DPP10: variants seen among roughly 807,000 people sequenced by gnomAD.
DPP10 encodes dipeptidyl peptidase like 10, also known as inactive dipeptidyl peptidase 10.
Under a neutral mutation model 120.9 loss-of-function variants are expected in DPP10, and 33 were observed. That is an observed-to-expected ratio of 0.27 (90% CI 0.21 to 0.37). DPP10 has a LOEUF of 0.37. Ranked by LOEUF, DPP10 falls within the 10% of genes least tolerant of loss-of-function variation. DPP10 has a pLI of 1.00. For missense variants in DPP10, 816 were observed against 942.8 expected (o/e 0.87, Z 1.76); for synonymous variants, 337 against 326.1 (o/e 1.03, Z -0.36).
intron 12 of DPP10, among the ~76,000 whole-genome samples, chr2:115,766,666 T>C (rs771660163): frequency 2.0e-5 from 3 of 152,032 alleles, no homozygotes; most frequent in African/African-American, 4.8e-5. Context: ...AGAAGTCTAA[T>C]TGGCTCACAG....
intron 5 of DPP10, among the ~76,000 whole-genome samples, chr2:115,533,478 A>C (rs937164012): frequency 6.6e-6 from 1 of 152,076 alleles, no homozygotes; most frequent in African/African-American, 2.4e-5. Flanking sequence ...TCTGGTAAGT[A>C]TCTATTTTAA....
intron 1 of DPP10, among the ~76,000 whole-genome samples, chr2:114,594,227 G>C (rs553959203): frequency 6.6e-6 from 1 of 152,128 alleles, no homozygotes; most frequent in African/African-American, 2.4e-5. Flanking sequence ...TCCTGTGCTA[G>C]AGAATTCCTG....
At chr2:114,499,045 G>A (rs1282666069) in intron 1 of DPP10, among the ~76,000 whole-genome samples, 1 of 152,170 alleles carries the variant, frequency 6.6e-6, no homozygotes, top group East Asian at 1.9e-4. Flanking sequence ...GATAAGCCAG[G>A]AACAGAAAGA....
intron 1 of DPP10, among the ~76,000 whole-genome samples, chr2:114,788,973 G>A (rs750049149): frequency 7.7e-4 from 117 of 152,218 alleles, no homozygotes; most frequent in South Asian, 4.1e-3. Flanking sequence ...TCCATGGGAT[G>A]ATGATATCAA....
At position 115,800,456 on chromosome 2, in the gene DPP10, A is replaced by G. The variant is rs555659905; in HGVS notation, c.1700+9100A>G. 5.3e-5 allele frequency among the ~76,000 whole-genome samples: 8 copies of G among 152,196 alleles called. No individual in the cohort carries two copies. In the East Asian group the frequency reaches 1.5e-3, roughly 29 times the overall value. On this transcript the variant is annotated intron_variant, in intron 19 of 25. Coordinates refer to ENST00000410059, the MANE Select transcript of DPP10 (RefSeq NM_020868.6). ...TTAGTTTAATTAGATCACATTTGTCAATTTTGGCTTTTGTTGCCATTGCTT... is the reference window on the plus strand; with the variant it reads ...TTAGTTTAATTAGATCACATTTGTCGATTTTGGCTTTTGTTGCCATTGCTT...
chr2:115,523,866 G>A (rs761846910), intron 4 of DPP10, among the ~76,000 whole-genome samples: 1 of 152,060 alleles, frequency 6.6e-6, no homozygotes, highest in Non-Finnish European at 1.5e-5. Flanking sequence ...AGCTGCTAAT[G>A]TTGTTATTTT....
intron 5 of DPP10, among the ~76,000 whole-genome samples, chr2:115,573,471 G>T (rs1315384330): frequency 2.0e-5 from 3 of 150,894 alleles, no homozygotes; most frequent in African/African-American, 7.3e-5. Flanking sequence ...TTTAGTAGAG[G>T]CGGGGTTTCA....
At chr2:115,588,234 C>T (rs2082412063) in intron 5 of DPP10, among the ~76,000 whole-genome samples, 2 of 152,144 alleles carry the variant, frequency 1.3e-5, no homozygotes, top group South Asian at 4.2e-4. Context: ...CTTTTTAAAA[C>T]TTTTATGTTT....
chr2:115,669,331 A>G (rs2089696052), intron 5 of DPP10, among the ~76,000 whole-genome samples: 1 of 152,320 alleles, frequency 6.6e-6, no homozygotes, highest in Admixed American at 6.5e-5. Context: ...ATTGAAGAGC[A>G]TGAACTAGAC....
At chr2:114,659,997 T>A (rs1332374459) in intron 1 of DPP10, among the ~76,000 whole-genome samples, 3 of 152,188 alleles carry the variant, frequency 2.0e-5, no homozygotes, top group Non-Finnish European at 4.4e-5. Context: ...AACACCTTCA[T>A]TTCAGACTTC....
chr2:114,758,706 A>C (rs1353812379), intron 1 of DPP10, among the ~76,000 whole-genome samples: 1 of 152,214 alleles, frequency 6.6e-6, no homozygotes, highest in Non-Finnish European at 1.5e-5. Context: ...GCTAAATTAG[A>C]GATGTCTTGC....
At chr2:115,021,146 A>C (rs2105175483) in intron 1 of DPP10, among the ~76,000 whole-genome samples, 1 of 149,498 alleles carries the variant, frequency 6.7e-6, no homozygotes, top group Non-Finnish European at 1.5e-5. Context: ...CAAACCCAAC[A>C]GTAGAAAAGA....
chr2:114,618,072 C>A (rs1385224544), intron 1 of DPP10, among the ~76,000 whole-genome samples: 2 of 152,024 alleles, frequency 1.3e-5, no homozygotes, highest in African/African-American at 2.4e-5. Context: ...TTTTAGGTCT[C>A]CATGATGGGC....
intron 1 of DPP10, among the ~76,000 whole-genome samples, chr2:114,561,029 G>A (rs1688720524): frequency 6.6e-6 from 1 of 152,166 alleles, no homozygotes; most frequent in Admixed American, 6.5e-5. Flanking sequence ...TCCTAAGGAA[G>A]CTCTGAGGAG....
intron 1 of DPP10, among the ~76,000 whole-genome samples, chr2:114,482,672 T>G (rs539445333): frequency 6.6e-6 from 1 of 152,282 alleles, no homozygotes; most frequent in South Asian, 2.1e-4. Flanking sequence ...AGATTTTCTT[T>G]TATGGAAAAG....
chr2:115,736,647 G>A (rs1234163913), intron 8 of DPP10, among the ~76,000 whole-genome samples: 2 of 152,048 alleles, frequency 1.3e-5, no homozygotes, highest in Non-Finnish European at 1.5e-5. Flanking sequence ...TATAATTCAT[G>A]TGCCTTCCTC....
chr2:115,467,269 CAA>C (rs2074386253), intron 3 of DPP10, among the ~76,000 whole-genome samples: 1 of 151,972 alleles, frequency 6.6e-6, no homozygotes, highest in East Asian at 1.9e-4. Context: ...ACAAATAAAA[CAA>C]GAGACACTGG....
At chr2:115,280,418 C>T (rs963218407) in intron 1 of DPP10, among the ~76,000 whole-genome samples, 2 of 152,204 alleles carry the variant, frequency 1.3e-5, no homozygotes, top group East Asian at 1.9e-4. Flanking sequence ...AGCTGCACTC[C>T]GGAATTATAA....
intron 3 of DPP10, among the ~76,000 whole-genome samples, chr2:115,348,906 G>T (rs1054057668): frequency 6.6e-6 from 1 of 152,040 alleles, no homozygotes; most frequent in African/African-American, 2.4e-5. Flanking sequence ...ATTTTTAAAT[G>T]TGTACCCACA....
Sources: allele counts gnomAD v4.1 joint callset (sites outside exome capture counted in the v4.1 genomes callset), GRCh38; gene constraint gnomAD v4.1.1; transcripts MANE v1.5; gene names NCBI Gene and HGNC (gene_info 2026-07-23, HGNC 2026-07-21).